Variants in ABCD4 observed in about 807,000 individuals in gnomAD.
ABCD4 encodes ATP binding cassette subfamily D member 4.
In ABCD4, 53 loss-of-function variants were observed where a neutral mutation model predicts 86.3. The ratio of observed to expected loss-of-function variants is 0.61; its 90% CI spans 0.49 to 0.77. The LOEUF is 0.77. Ranked by LOEUF, ABCD4 falls within the 30% of genes least tolerant of loss-of-function variation. ABCD4 has a pLI of 0.00. For synonymous variants in ABCD4, 328 were observed against 313.6 expected, an observed-to-expected ratio of 1.05 and a Z score of -0.49; for missense variants, 757 against 764.5, an observed-to-expected ratio of 0.99 and a Z score of 0.12.
chr14:74,290,572 C>G, intron 11 of ABCD4, 73 bp from the exon 12 acceptor site: 1 of 1,154,446 alleles, frequency 8.7e-7, no homozygotes, highest in South Asian at 1.3e-5. Flanking sequence ...GCACTGCTCC[C>G]GGGAGCCACC....
In ABCD4 at chr14:74,295,249, A is replaced by C. The variant is rs45526333; in HGVS notation, c.669-51T>G. The C allele has an allele frequency of 3.9e-3, 6,259 of 1,604,420 alleles. 15 individuals are homozygous for C. Among genetic ancestry groups the C allele is most frequent in the Non-Finnish European group, 4.3e-3 (5,074 of 1,171,834 alleles). On this transcript the variant is annotated intron_variant, in intron 6 of 18. Transcript: ENST00000356924. ...GCTGACAACAGGGAGTACTGGCCTC[A>C]CTCTTGTTGGAGTCCTGGATCACAA...
At chr14:74,289,195 G>A (rs984952460) in intron 14 of ABCD4, 33 of 1,263,154 alleles carry the variant, frequency 2.6e-5, no homozygotes, top group Admixed American at 1.9e-4. Context: ...AATGCTGGGC[G>A]AAGGCTTTGA....
At chr14:74,293,574 T>C (rs966735248) in intron 7 of ABCD4, 1 of 228,494 alleles carries the variant, frequency 4.4e-6, no homozygotes, top group Non-Finnish European at 8.5e-6. Flanking sequence ...AATACCTATG[T>C]AATAGGTTAG....
intron 4 of ABCD4, 81 bp from the exon 5 acceptor site, chr14:74,296,530 C>G (rs1353106062): frequency 7.9e-7 from 1 of 1,271,944 alleles, no homozygotes; most frequent in Non-Finnish European, 1.1e-6. Flanking sequence ...CACATCACCT[C>G]TGCTCTTGAC....
Position 74,293,264 on chromosome 14 carries a change from T to A in ABCD4, c.720-16A>T. 6.2e-7 allele frequency: 1 copy of A among 1,613,728 alleles called. No individual in the cohort carries two copies. On this transcript the variant is annotated splice_polypyrimidine_tract_variant and intron_variant, in intron 7 of 18. Coordinates refer to ENST00000356924, the MANE Select transcript of ABCD4 (RefSeq NM_005050.4). The stretch of plus-strand genomic sequence containing the variant: ...ATGCCCAGCTCTGACAAGGAAAGGC[T>A]GGGATGTCCACAGGGCTGGAGAGGT...
chr14:74,302,741 CCT>C (rs1456441505), intron 1 of ABCD4, 132 bp downstream of exon 1: 3 of 1,084,208 alleles, frequency 2.8e-6, no homozygotes, highest in African/African-American at 3.3e-5. Flanking sequence ...TTCGAGAGCT[CCT>C]CTTTCTCTCA....
intron 3 of ABCD4, among the ~76,000 whole-genome samples, 179 bp from the exon 4 acceptor site, chr14:74,298,248 C>T (rs948484876): frequency 1.3e-5 from 2 of 152,184 alleles, no homozygotes; most frequent in Admixed American, 1.3e-4. Context: ...CCCTTCCTCA[C>T]TCACTCACGT....
chr14:74,295,077 TGAG>T (rs2082493619), intron 7 of ABCD4, 68 bp downstream of exon 7: 2 of 1,576,624 alleles, frequency 1.3e-6, no homozygotes, highest in Non-Finnish European at 1.7e-6. Context: ...GTGGGAGGGT[TGAG>T]GATTCATCTT....
chr14:74,295,235 G>T, intron 6 of ABCD4, 37 bp from the exon 7 acceptor site: 1 of 1,612,234 alleles, frequency 6.2e-7, no homozygotes, highest in Non-Finnish European at 8.5e-7. Flanking sequence ...CTGACAACAG[G>T]GAGTACTGGC....
chr14:74,301,271 C>T (rs1416004996), intron 1 of ABCD4, among the ~76,000 whole-genome samples: 1 of 151,984 alleles, frequency 6.6e-6, no homozygotes, highest in Non-Finnish European at 1.5e-5. Context: ...GCGACTGTCC[C>T]ACCTCAGCCT....
rs183467797 is a variant in ABCD4, at chr14:74,300,334, T to C, written c.39-66A>G. ...TAATTAAGCCTTAGGGAGTAGTTAT[T>C]AAGCTCATCCACATTGTTCTGTAGA... On this transcript the variant is annotated intron_variant, in intron 1 of 18. Transcript: ENST00000356924. 49 of 1,045,590 alleles carry C rather than the reference T, an allele frequency of 4.7e-5. No individual in the cohort carries two copies. The African/African-American group carries it at 5.6e-4, about 12-fold the overall frequency. 64.8% of individuals were successfully genotyped at this position (1,045,590 alleles called of 1,614,324 possible).
chr14:74,290,975 A>G (rs1223397606), intron 11 of ABCD4, among the ~76,000 whole-genome samples: 1 of 152,078 alleles, frequency 6.6e-6, no homozygotes, highest in Non-Finnish European at 1.5e-5. Context: ...GCCCAGCTGG[A>G]GGCAGGGTCT....
chr14:74,292,535 T>G lies in ABCD4; in HGVS notation c.1028+16A>C, dbSNP rs1362887090. The G allele has an allele frequency of 1.2e-6, 2 of 1,613,142 alleles. No homozygotes were observed. Among genetic ancestry groups the G allele is most frequent in the Admixed American group, 3.3e-5 (2 of 59,964 alleles). On this transcript the variant is annotated intron_variant, in intron 10 of 18. Transcript: ENST00000356924. Reference sequence around the variant, plus strand: ...ACACTTTGCTCAGGAGCCAGAGGGGTGGGACACGGCCTCACCTGTGCGTGT... The same window carrying G: ...ACACTTTGCTCAGGAGCCAGAGGGGGGGGACACGGCCTCACCTGTGCGTGT...
chr14:74,299,347 C>T (rs1016849264), intron 3 of ABCD4: 7 of 585,674 alleles, frequency 1.2e-5, no homozygotes, highest in Non-Finnish European at 2.1e-5. Context: ...GGAGTGGAAA[C>T]ATCTGAGGAA....
chr14:74,286,432 G>A lies in ABCD4; in HGVS notation c.*29C>T. Reference sequence around the variant, plus strand: ...TCCTGAGGGCCGCCGACCCGCCACAGTGTGGCTCTCCTTCCAAAAGCCAGA... The same window carrying A: ...TCCTGAGGGCCGCCGACCCGCCACAATGTGGCTCTCCTTCCAAAAGCCAGA... On this transcript the variant is annotated 3_prime_UTR_variant, in exon 19 of 19. Transcript: ENST00000356924. The A allele has an allele frequency of 6.2e-7, 1 of 1,612,316 alleles. No homozygotes were observed. Among genetic ancestry groups the A allele is most frequent in the Non-Finnish European group, 8.5e-7 (1 of 1,178,420 alleles).
chr14:74,289,730 C>G, intron 13 of ABCD4: 1 of 1,435,510 alleles, frequency 7.0e-7, no homozygotes. Flanking sequence ...AACAGTCTGA[C>G]AGCCTCCTGA....
Position 74,295,944 on chromosome 14 carries a change from T to C in ABCD4, c.578A>G (p.Tyr193Cys), listed in dbSNP as rs757424227. The C allele has an allele frequency of 8.7e-6, 14 of 1,611,622 alleles. No individual in the cohort carries two copies. Among genetic ancestry groups the C allele is most frequent in the Admixed American group, 5.1e-5 (3 of 59,012 alleles). Residue 193 changes from tyrosine (Y) to cysteine (C), a missense_variant, in exon 6 of 19, where the codon TAT (tyrosine) becomes TGT (cysteine). Transcript: ENST00000356924. ...GTTCACCACGGTCCCCAGGATGAAA[T>C]ACCCGAAGATGCTCACAGGCCCGAG... ...GWLGPVSIFG[Y>C]FILGTVVNKT... is the part of the protein sequence containing the mutation.
At chr14:74,302,739 C>T in intron 1 of ABCD4, 136 bp downstream of exon 1, 1 of 1,055,686 alleles carries the variant, frequency 9.5e-7, no homozygotes. Flanking sequence ...CCTTCGAGAG[C>T]TCCTCTTTCT....
intron 15 of ABCD4, chr14:74,288,474 G>A: frequency 1.5e-6 from 1 of 651,292 alleles, no homozygotes; most frequent in Non-Finnish European, 2.6e-6. Flanking sequence ...GGAGCATGAT[G>A]ACAGTAAAAA....
Sources: gnomAD v4.1 joint callset for allele counts (sites outside exome capture counted in the v4.1 genomes callset) on GRCh38, gnomAD v4.1.1 for gene constraint, MANE v1.5 for transcripts, NCBI Gene and HGNC (gene_info 2026-07-23, HGNC 2026-07-21) for gene names.